The following ERBB4 variants were observed in gnomAD, a reference collection of about 807,000 sequenced individuals.
The protein encoded by ERBB4 is erb-b2 receptor tyrosine kinase 4, also known as receptor tyrosine-protein kinase erbB-4.
ERBB4 carries 42 observed loss-of-function variants against 158.0 expected under a neutral mutation model. The ratio of observed to expected loss-of-function variants is 0.27; its 90% confidence interval spans 0.21 to 0.34. The LOEUF is 0.34. Among genes scored for constraint, ERBB4 ranks in the 10% least tolerant of loss-of-function variants. The probability of loss-of-function intolerance (pLI) is 1.00; values close to 1 mark genes in which losing one functional copy is unlikely to be tolerated. For synonymous variants in ERBB4, 583 were observed against 558.7 expected, an observed-to-expected ratio of 1.04 and a Z score of -0.61; for missense variants, 1,333 against 1,624.1, an observed-to-expected ratio of 0.82 and a Z score of 3.08.
intron 1 of ERBB4, among the ~76,000 whole-genome samples, chr2:212,460,175 G>A (rs1249807497): frequency 6.6e-6 from 1 of 152,222 alleles, no homozygotes; most frequent in South Asian, 2.1e-4. Context: ...CCCCCAGCAT[G>A]TGGAACTGTA....
chr2:211,654,961 G>A (rs956277275), intron 16 of ERBB4, among the ~76,000 whole-genome samples: 5 of 152,162 alleles, frequency 3.3e-5, no homozygotes, highest in South Asian at 2.1e-4. Context: ...CCTGGAAACC[G>A]AAGCAGGCAA....
At chr2:211,611,958 G>A (rs968708336) in intron 19 of ERBB4, among the ~76,000 whole-genome samples, 4 of 152,100 alleles carry the variant, frequency 2.6e-5, no homozygotes, top group Admixed American at 1.3e-4. Flanking sequence ...AATCTTCCAA[G>A]GGTCTTCCTC....
At chr2:212,522,720 C>A (rs1470008882) in intron 1 of ERBB4, among the ~76,000 whole-genome samples, 1 of 151,978 alleles carries the variant, frequency 6.6e-6, no homozygotes, top group African/African-American at 2.4e-5. Context: ...CTAATATACA[C>A]CCAATAATAG....
chr2:211,780,133 G>A (rs141697674), intron 4 of ERBB4, among the ~76,000 whole-genome samples: 34 of 152,202 alleles, frequency 2.2e-4, no homozygotes, highest in East Asian at 1.2e-3. Context: ...AGGCTGTGGC[G>A]GGAGGATAAC....
chr2:211,626,251 A>T (rs1451118902), intron 17 of ERBB4, among the ~76,000 whole-genome samples: 1 of 152,174 alleles, frequency 6.6e-6, no homozygotes, highest in Non-Finnish European at 1.5e-5. Context: ...TTTTTGAATC[A>T]CACCATCTAC....
At chr2:211,511,702 AT>A (rs1356813332) in intron 20 of ERBB4, among the ~76,000 whole-genome samples, 1 of 152,138 alleles carries the variant, frequency 6.6e-6, no homozygotes, top group Non-Finnish European at 1.5e-5. Context: ...TCAAAAAAGA[AT>A]CCTTTCTAGA....
chr2:211,884,975 T>C (rs1241839718), intron 3 of ERBB4, among the ~76,000 whole-genome samples: 5 of 152,168 alleles, frequency 3.3e-5, no homozygotes, highest in African/African-American at 9.6e-5. Context: ...AAACCTGAAA[T>C]AAGGAAAATT....
At chr2:211,964,626 T>G (rs2081265349) in intron 2 of ERBB4, among the ~76,000 whole-genome samples, 1 of 152,152 alleles carries the variant, frequency 6.6e-6, no homozygotes, top group South Asian at 2.1e-4. Context: ...TACTAAAATC[T>G]GATATAATCT....
intron 20 of ERBB4, among the ~76,000 whole-genome samples, chr2:211,523,326 G>T (rs954321171): frequency 1.5e-4 from 22 of 149,770 alleles, no homozygotes; most frequent in Admixed American, 4.0e-4. Context: ...AGAAATCTAT[G>T]TGCTTGGGAA....
chr2:211,818,286 T>A (rs2076921295), intron 3 of ERBB4, among the ~76,000 whole-genome samples: 1 of 152,154 alleles, frequency 6.6e-6, no homozygotes, highest in African/African-American at 2.4e-5. Context: ...TTCTAGAGCC[T>A]GTTGGTGCAG....
chr2:211,604,947 A>G (rs1383191529), intron 19 of ERBB4, among the ~76,000 whole-genome samples: 1 of 152,198 alleles, frequency 6.6e-6, no homozygotes, highest in African/African-American at 2.4e-5. Flanking sequence ...GAAAATTCCT[A>G]AATAATAGGA....
intron 2 of ERBB4, among the ~76,000 whole-genome samples, chr2:211,948,456 A>C (rs1379119449): frequency 1.3e-5 from 2 of 151,178 alleles, no homozygotes; most frequent in African/African-American, 2.4e-5. Flanking sequence ...AAAAAAAAAA[A>C]AAAAAAACCT....
At chr2:211,547,700 A>C (rs187497812) in intron 20 of ERBB4, among the ~76,000 whole-genome samples, 1 of 152,240 alleles carries the variant, frequency 6.6e-6, no homozygotes. Flanking sequence ...TTGTGTGAGC[A>C]CTTTACACAC....
intron 3 of ERBB4, among the ~76,000 whole-genome samples, chr2:211,911,679 G>T (rs899650816): frequency 6.6e-5 from 10 of 152,108 alleles, no homozygotes; most frequent in African/African-American, 2.4e-4. Flanking sequence ...ATGTGATGGA[G>T]AAAATGGACC....
chr2:211,580,816 T>G (rs1343097372), intron 19 of ERBB4, among the ~76,000 whole-genome samples: 2 of 31,234 alleles, frequency 6.4e-5, no homozygotes, highest in African/African-American at 1.5e-4. Context: ...ATATATAATA[T>G]ATATATATTA....
Position 211,843,117 on chromosome 2 carries a change from C to T in ERBB4, c.422-54958G>A, listed in dbSNP as rs545750758. Among the ~76,000 whole-genome samples, 99 of 152,108 alleles carry T rather than the reference C, an allele frequency of 6.5e-4. 2 individuals carry two copies. Among genetic ancestry groups the T allele is most frequent in the African/African-American group, 2.3e-3 (94 of 41,496 alleles). On this transcript the variant is annotated intron_variant, in intron 3 of 27. Coordinates refer to ENST00000342788, the MANE Select transcript of ERBB4 (RefSeq NM_005235.3). ...TCTATGTTAGTTTGAGACATGAAAA[C>T]CCTAATTAAAGAACATGGAGTAGAT...
intron 1 of ERBB4, among the ~76,000 whole-genome samples, chr2:212,443,361 T>G (rs2092290983): frequency 6.6e-6 from 1 of 152,204 alleles, no homozygotes. Flanking sequence ...TACCAGAGGA[T>G]GGGAAATAAA....
At chr2:212,201,399 C>T (rs984885637) in intron 1 of ERBB4, among the ~76,000 whole-genome samples, 3 of 152,112 alleles carry the variant, frequency 2.0e-5, no homozygotes, top group Non-Finnish European at 4.4e-5. Context: ...CCCGTGGATT[C>T]ACCTGATAGT....
chr2:211,712,007 T>C (rs1471898446), intron 9 of ERBB4, 43 bp downstream of exon 9: 1 of 1,557,930 alleles, frequency 6.4e-7, no homozygotes. Context: ...TTCAGTTTTG[T>C]CTACACTTTG....
Sources: gnomAD v4.1 joint callset for allele counts (sites outside exome capture counted in the v4.1 genomes callset) on GRCh38, gnomAD v4.1.1 for gene constraint, MANE v1.5 for transcripts, NCBI Gene and HGNC (gene_info 2026-07-23, HGNC 2026-07-21) for gene names.